INPP5B: variants seen among roughly 807,000 people sequenced by gnomAD.
The protein encoded by INPP5B is inositol polyphosphate-5-phosphatase B, also known as type II inositol 1,4,5-trisphosphate 5-phosphatase.
A neutral mutation model predicts 118.5 loss-of-function variants in INPP5B; 90 were observed. The observed-to-expected ratio is 0.76, with a 90% CI of 0.64 to 0.90. INPP5B has a LOEUF of 0.90. Among genes scored for constraint, INPP5B ranks in the 40% least tolerant of loss-of-function variants. The probability of loss-of-function intolerance (pLI) is 0.00; values close to 1 mark genes in which losing one functional copy is unlikely to be tolerated. For missense variants in INPP5B, 984 were observed against 1,125.6 expected (o/e 0.87, Z 1.80); for synonymous variants, 385 against 418.9 (o/e 0.92, Z 0.99).
At chr1:37,926,894 C>T (rs948264535) in intron 7 of INPP5B, among the ~76,000 whole-genome samples, 1 of 151,930 alleles carries the variant, frequency 6.6e-6, no homozygotes, top group South Asian at 2.1e-4. Context: ...CCAAATCAGA[C>T]TTCACTCTTT....
At position 37,943,799 on chromosome 1, in the gene INPP5B, C is replaced by T. The variant is rs1157110154; in HGVS notation, c.247G>A (p.Glu83Lys). 2 of 1,614,054 alleles carry T rather than the reference C, an allele frequency of 1.2e-6. No individual in the cohort carries two copies. Among genetic ancestry groups the T allele is most frequent in the East Asian group, 4.5e-5 (2 of 44,876 alleles). ...VPVSRDFTLE[E>K]VSPDGELYIL... is the part of the protein sequence containing the mutation. ...ACCACCCAGCCCCCTGTGGCACCTT[C>T]TTCCAGCGTAAAATCCCGCGAGACT... The change falls in exon 4 of 24, where the codon GAA (glutamate) becomes AAA (lysine). Residue 83 changes from glutamate to lysine, a missense_variant. Coordinates refer to ENST00000373024, the MANE Select transcript of INPP5B (RefSeq NM_005540.3).
rs1463513298 is a variant in INPP5B, at chr1:37,861,721, A to G, written c.*594T>C. The G allele has an allele frequency of 7.4e-6, 1 of 134,710 alleles. No individual in the cohort carries two copies. Among genetic ancestry groups the G allele is most frequent in the Non-Finnish European group, 1.6e-5 (1 of 63,736 alleles). The allele number at this position is 134,710 out of a possible 1,614,324, so 8.3% of individuals were successfully genotyped here. ...CTCCAGCCTGGGCAACAAGAGTGAAACTCCATCTCAAAAAAGAAAAAAAAA... is the reference window on the plus strand; with the variant it reads ...CTCCAGCCTGGGCAACAAGAGTGAAGCTCCATCTCAAAAAAGAAAAAAAAA... On this transcript the variant is annotated 3_prime_UTR_variant, in exon 24 of 24. Transcript: ENST00000373024.
In INPP5B at chr1:37,878,051, A is replaced by G. The variant is rs1570040008; in HGVS notation, c.1677+137T>C. 3 of 997,910 alleles carry G rather than the reference A, an allele frequency of 3.0e-6. No homozygotes were observed. In the East Asian group the frequency reaches 7.7e-5, roughly 26 times the overall value. The allele number at this position is 997,910 out of a possible 1,614,324, so 61.8% of individuals were successfully genotyped here. On this transcript the variant is annotated intron_variant, in intron 16 of 23. Coordinates refer to ENST00000373024, the MANE Select transcript of INPP5B (RefSeq NM_005540.3). ...AACAATTATTAACCAAGTTGTTAAT[A>G]ATTGTTTTAAATTGTCCTAAAAGGG... is the stretch of plus-strand genomic sequence containing the variant.
rs143747821 is a variant in INPP5B at position 37,868,387 on chromosome 1, C to G, written c.2301+114G>C. 1.5e-3 allele frequency: 1,044 copies of G among 688,926 alleles called. 6 individuals are homozygous for G. In the African/African-American group the frequency reaches 0.017, roughly 11 times the overall value. The allele number at this position is 688,926 out of a possible 1,614,324, so 42.7% of individuals were successfully genotyped here. ...TGGCATACTATCTATCCTTCCTCCC[C>G]TCCCTGGGTGAAGAACAGTTCTCCA... On this transcript the variant is annotated intron_variant, in intron 20 of 23. Coordinates refer to ENST00000373024, the MANE Select transcript of INPP5B (RefSeq NM_005540.3).
Position 37,862,245 on chromosome 1 carries a change from G to T in INPP5B, c.*70C>A, listed in dbSNP as rs1249826691. 2 of 980,472 alleles carry T rather than the reference G, an allele frequency of 2.0e-6. No individual in the cohort carries two copies. The highest frequency in any genetic ancestry group is 1.3e-5 in the South Asian group (1 of 75,652). The allele number at this position is 980,472 out of a possible 1,614,324, so 60.7% of individuals were successfully genotyped here. ...AGTGGCCTCACATAATTATCTTAAG[G>T]CATCTCTTGAGCTGAAACAGGTGGG... On this transcript the variant is annotated 3_prime_UTR_variant, in exon 24 of 24. Transcript: ENST00000373024.
chr1:37,944,195 G>A (rs1010723441), intron 3 of INPP5B, among the ~76,000 whole-genome samples: 1 of 152,130 alleles, frequency 6.6e-6, no homozygotes, highest in African/African-American at 2.4e-5. Context: ...CAGGAACAGT[G>A]CAACCTTAGC....
chr1:37,941,848 G>A (rs1371217194), intron 5 of INPP5B, among the ~76,000 whole-genome samples: 2 of 131,280 alleles, frequency 1.5e-5, no homozygotes, highest in African/African-American at 5.5e-5. Flanking sequence ...TGAGGCAGGA[G>A]AATGGCGTGA....
At chr1:37,876,295 G>C (rs1423752146) in intron 16 of INPP5B, among the ~76,000 whole-genome samples, 1 of 151,344 alleles carries the variant, frequency 6.6e-6, no homozygotes, top group Non-Finnish European at 1.5e-5. Context: ...GTAGAGATGA[G>C]GGGTTTTGCC....
chr1:37,935,057 C>T (rs1174005741), intron 6 of INPP5B, among the ~76,000 whole-genome samples: 9 of 150,156 alleles, frequency 6.0e-5, no homozygotes, highest in Admixed American at 4.6e-4. Context: ...AAAAATTAGC[C>T]GGGCGTGCTG....
At chr1:37,893,768 C>A (rs1167634262) in intron 7 of INPP5B, among the ~76,000 whole-genome samples, 1 of 152,202 alleles carries the variant, frequency 6.6e-6, no homozygotes, top group South Asian at 2.1e-4. Context: ...CTACCCACTG[C>A]TCTAGCCCCA....
Position 37,865,864 on chromosome 1 carries a change from T to G in INPP5B, c.2411A>C (p.Glu804Ala), listed in dbSNP as rs748673634. Reference sequence around the variant, plus strand: ...GCTCTCCAGGAAAAGCAGCAGGGCTTCGGCTACAGAATGATTGCTGGCAGC... The same window carrying G: ...GCTCTCCAGGAAAAGCAGCAGGGCTGCGGCTACAGAATGATTGCTGGCAGC... ...NLSASNHSVAEALLLFLESLP... is the reference protein window; with the variant it reads ...NLSASNHSVAAALLLFLESLP... Residue 804 changes from glutamate to alanine, a missense_variant, in exon 22 of 24, where the codon GAA becomes GCA. Physicochemically the swap from Glu to Ala is moderately radical, Grantham distance 107. Around this residue, in one of 2 missense-constraint regions of INPP5B, gnomAD observed 634 missense variants for 791.0 expected, o/e 0.80. Coordinates refer to ENST00000373024, the MANE Select transcript of INPP5B (RefSeq NM_005540.3). 1 of 1,613,612 alleles carries G rather than the reference T, an allele frequency of 6.2e-7. No homozygotes were observed. The highest frequency in any genetic ancestry group is 1.1e-5 in the South Asian group (1 of 91,054).
intron 6 of INPP5B, among the ~76,000 whole-genome samples, chr1:37,939,031 CA>C (rs1443633915): frequency 2.6e-5 from 4 of 151,776 alleles, no homozygotes; most frequent in Non-Finnish European, 4.4e-5. Flanking sequence ...GTGTCTCTAC[CA>C]AAAATCCAAA....
At chr1:37,863,691 A>G (rs1641845996) in intron 23 of INPP5B, among the ~76,000 whole-genome samples, 3 of 150,114 alleles carry the variant, frequency 2.0e-5, no homozygotes, top group South Asian at 2.1e-4. Context: ...TTTCTCAAGC[A>G]CACACACACA....
chr1:37,863,187 C>A (rs529696847), intron 23 of INPP5B, among the ~76,000 whole-genome samples: 1 of 150,982 alleles, frequency 6.6e-6, no homozygotes, highest in East Asian at 2.0e-4. Context: ...CTCTCCCATC[C>A]TGCAGTGGGG....
At chr1:37,936,129 G>T (rs1424933716) in intron 6 of INPP5B, among the ~76,000 whole-genome samples, 1 of 152,030 alleles carries the variant, frequency 6.6e-6, no homozygotes, top group African/African-American at 2.4e-5. Context: ...CAAAGTCCAA[G>T]CTCTTTGCTG....
At chr1:37,865,638 T>G in intron 22 of INPP5B, 123 bp downstream of exon 22, 1 of 1,081,056 alleles carries the variant, frequency 9.3e-7, no homozygotes, top group Non-Finnish European at 1.3e-6. Context: ...AAGAGCAGGT[T>G]TGAGAAGGAA....
chr1:37,927,751 A>G (rs988731049), intron 7 of INPP5B, among the ~76,000 whole-genome samples: 1 of 151,764 alleles, frequency 6.6e-6, no homozygotes, highest in Non-Finnish European at 1.5e-5. Flanking sequence ...GTTAGCCAGG[A>G]TGGTCTCAAT....
chr1:37,902,714 C>T (rs1355922066), intron 7 of INPP5B, among the ~76,000 whole-genome samples: 2 of 152,152 alleles, frequency 1.3e-5, no homozygotes, highest in Admixed American at 6.5e-5. Context: ...TGTGCCACCA[C>T]ACCCAGCTAA....
intron 7 of INPP5B, among the ~76,000 whole-genome samples, chr1:37,893,667 G>A (rs772811143): frequency 1.3e-5 from 2 of 151,918 alleles, no homozygotes; most frequent in African/African-American, 2.4e-5. Context: ...AAAGTAAATC[G>A]GATCACATCA....
Sources: allele counts gnomAD v4.1 joint callset (sites outside exome capture counted in the v4.1 genomes callset), GRCh38; gene constraint gnomAD v4.1.1; regional missense constraint gnomAD v4.1.1; transcripts MANE v1.5; gene names NCBI Gene and HGNC (gene_info 2026-07-23, HGNC 2026-07-21).